Variants in XCR1 observed in about 807,000 individuals in gnomAD.
XCR1 encodes the protein chemokine XC receptor 1.
For missense variants in XCR1, 356 were observed against 424.2 expected, an observed-to-expected ratio of 0.84 and a Z score of 1.41; for synonymous variants, 187 against 188.5, an observed-to-expected ratio of 0.99 and a Z score of 0.06.
intron 5 of XCR1, among the ~76,000 whole-genome samples, chr3:46,053,131 C>T (rs34906043): frequency 0.28 from 42,322 of 152,182 alleles, 6,563 homozygotes; most frequent in South Asian, 0.53. Context: ...AGCAAGTTTG[C>T]GCCAAGTGTT....
At chr3:46,034,240 G>T (rs2088691) in intron 5 of XCR1, among the ~76,000 whole-genome samples, 3 of 152,076 alleles carry the variant, frequency 2.0e-5, no homozygotes, top group African/African-American at 7.3e-5. Context: ...CCAAAGTGCT[G>T]GGATTACAGG....
Position 46,021,374 on chromosome 3 carries a change from G to C in XCR1, c.574C>G (p.Leu192Val). The C allele has an allele frequency of 6.2e-7, 1 of 1,614,158 alleles. No individual in the cohort carries two copies. The highest frequency in any genetic ancestry group is 8.5e-7 in the Non-Finnish European group (1 of 1,180,036). Residue 192 changes from leucine (L) to valine (V), a missense_variant, in exon 2 of 2, where the codon CTC (leucine) becomes GTC (valine). By Grantham distance (32) the Leu-to-Val change is conservative. Transcript: ENST00000309285. The surrounding 1 kb of genome is among the most constrained non-coding windows in gnomAD (Gnocchi z 4.7). ...WYLTSVYQHNLFFLLSLGIIL... is the reference protein window; with the variant it reads ...WYLTSVYQHNVFFLLSLGIIL... Reference sequence around the variant, plus strand: ...ATCCCCAGGGACAGCAGGAAGAAGAGGTTGTGCTGGTAGACGGAGGTGAGG... The same window carrying C: ...ATCCCCAGGGACAGCAGGAAGAAGACGTTGTGCTGGTAGACGGAGGTGAGG...
chr3:46,084,717 A>G (rs1698439586), intron 1 of XCR1, among the ~76,000 whole-genome samples: 1 of 152,218 alleles, frequency 6.6e-6, no homozygotes, highest in African/African-American at 2.4e-5. Context: ...CTGAATGTAC[A>G]CGCTTATAAG....
chr3:46,043,755 CACACACAA>C (rs1697576994), intron 5 of XCR1, among the ~76,000 whole-genome samples: 1 of 138,180 alleles, frequency 7.2e-6, no homozygotes, highest in Admixed American at 7.0e-5. Context: ...CACACACACA[CACACACAA>C]GAATGCCTAC....
In XCR1 at chr3:46,039,089, G is replaced by A. The variant is rs72901008; in HGVS notation, c.-32+14831C>T. The stretch of plus-strand genomic sequence containing the variant: ...CAACATATGTGCAAGTGTTTCACTG[G>A]TTTGAAGATTTTTGTGGTGAAAGTT... On this transcript the variant is annotated intron_variant, in intron 5 of 5. Transcript: ENST00000683768. Among the ~76,000 whole-genome samples the A allele has an allele frequency of 2.5e-3, 378 of 151,926 alleles. 3 individuals carry two copies. The highest frequency in any genetic ancestry group is 7.8e-3 in the African/African-American group (324 of 41,454).
At chr3:46,082,683 T>G (rs930132163) in intron 1 of XCR1, among the ~76,000 whole-genome samples, 5 of 151,180 alleles carry the variant, frequency 3.3e-5, no homozygotes, top group Non-Finnish European at 5.9e-5. Flanking sequence ...TAGAGAAGGG[T>G]CTTGCTATGT....
chr3:46,033,760 C>T (rs1697355077), intron 5 of XCR1, among the ~76,000 whole-genome samples: 1 of 152,102 alleles, frequency 6.6e-6, no homozygotes, highest in Admixed American at 6.6e-5. Flanking sequence ...TTAAGAATTG[C>T]CATCTTGACA....
intron 1 of XCR1, among the ~76,000 whole-genome samples, chr3:46,023,051 A>G (rs1310226258): frequency 6.6e-6 from 1 of 152,242 alleles, no homozygotes; most frequent in Non-Finnish European, 1.5e-5. Context: ...CAATAACAAG[A>G]TATCAAGAAA....
intron 5 of XCR1, among the ~76,000 whole-genome samples, chr3:46,041,395 T>G (rs1396846081): frequency 6.6e-6 from 1 of 152,156 alleles, no homozygotes; most frequent in African/African-American, 2.4e-5. Context: ...GCTGGTAAAT[T>G]GGTCCTGCTA....
intron 1 of XCR1, among the ~76,000 whole-genome samples, chr3:46,084,308 G>A (rs1698432458): frequency 6.6e-6 from 1 of 152,192 alleles, no homozygotes; most frequent in Admixed American, 6.5e-5. Flanking sequence ...GTGATCAAAA[G>A]GAAGGAAATG....
chr3:46,049,418 C>A (rs544724301), intron 5 of XCR1, among the ~76,000 whole-genome samples: 1 of 152,190 alleles, frequency 6.6e-6, no homozygotes, highest in South Asian at 2.1e-4. Flanking sequence ...GAGATAGTGG[C>A]CCAGGAAGTT....
upstream of XCR1, among the ~76,000 whole-genome samples, chr3:46,030,515 C>T (rs967603897): frequency 6.6e-6 from 1 of 152,182 alleles, no homozygotes; most frequent in African/African-American, 2.4e-5. Flanking sequence ...ATACTTTATG[C>T]ACTATACACT....
rs530616011 is a variant in XCR1 at position 46,033,545 on chromosome 3, AGT to A, written c.-31-11569_-31-11568del. Among the ~76,000 whole-genome samples the A allele has an allele frequency of 7.8e-3, 1,183 of 152,332 alleles. 14 individuals are homozygous for A. The highest frequency in any genetic ancestry group is 0.027 in the African/African-American group (1,134 of 41,572). On this transcript the variant is annotated intron_variant, in intron 5 of 5. Transcript: ENST00000683768. The stretch of plus-strand genomic sequence containing the variant: ...TATGTTCTGCTAGTATACTTTCACC[AGT>A]GTCACACTATCTTGATTACTGTAAC...
At chr3:46,040,239 T>C (rs1697516219) in intron 5 of XCR1, among the ~76,000 whole-genome samples, 1 of 152,182 alleles carries the variant, frequency 6.6e-6, no homozygotes, top group African/African-American at 2.4e-5. Flanking sequence ...AAACATTTTA[T>C]ATTATAATTT....
chr3:46,080,018 A>G (rs962120425), intron 1 of XCR1, among the ~76,000 whole-genome samples: 2 of 152,116 alleles, frequency 1.3e-5, no homozygotes, highest in Non-Finnish European at 2.9e-5. Context: ...AAGATAATTC[A>G]ACAATATACT....
intron 5 of XCR1, among the ~76,000 whole-genome samples, chr3:46,045,150 G>A (rs911658307): frequency 2.1e-4 from 32 of 152,138 alleles, no homozygotes; most frequent in African/African-American, 7.5e-4. Context: ...GCTGGGTGGG[G>A]TGGCCCACAC....
At chr3:46,043,171 T>C (rs1697565205) in intron 5 of XCR1, among the ~76,000 whole-genome samples, 1 of 152,208 alleles carries the variant, frequency 6.6e-6, no homozygotes, top group South Asian at 2.1e-4. Flanking sequence ...CCAGGTGTGG[T>C]GGCTTATGCC....
chr3:46,059,003 C>T (rs530950939), intron 4 of XCR1, among the ~76,000 whole-genome samples: 10 of 152,272 alleles, frequency 6.6e-5, no homozygotes, highest in African/African-American at 1.2e-4. Flanking sequence ...TCTTTGCCAG[C>T]AGAAGCAGCC....
intron 1 of XCR1, among the ~76,000 whole-genome samples, chr3:46,081,351 C>T (rs1283273135): frequency 2.0e-5 from 3 of 152,202 alleles, no homozygotes; most frequent in Non-Finnish European, 2.9e-5. Flanking sequence ...TTGGAAAACA[C>T]CAGCTCTCTC....
Sources: allele counts gnomAD v4.1 joint callset (sites outside exome capture counted in the v4.1 genomes callset), GRCh38; gene constraint gnomAD v4.1.1; non-coding constraint Gnocchi (gnomAD v3.1); transcripts MANE v1.5; gene names NCBI Gene and HGNC (gene_info 2026-07-23, HGNC 2026-07-21).